The following MMS19 variants were observed in gnomAD, a reference collection of about 807,000 sequenced individuals.
The protein encoded by MMS19 is MMS19 cytosolic iron-sulfur assembly component.
In MMS19, 77 loss-of-function variants were observed where a neutral mutation model predicts 129.8. The ratio of observed to expected loss-of-function variants is 0.59; its 90% CI spans 0.49 to 0.72. The LOEUF (loss-of-function observed/expected upper bound fraction) is 0.72. Among genes scored for constraint, MMS19 ranks in the 30% least tolerant of loss-of-function variants. The probability of loss-of-function intolerance (pLI) is 0.00; values close to 1 mark genes in which losing one functional copy is unlikely to be tolerated. For synonymous variants in MMS19, 491 were observed against 502.8 expected, an observed-to-expected ratio of 0.98 and a Z score of 0.31; for missense variants, 1,168 against 1,266.3, an observed-to-expected ratio of 0.92 and a Z score of 1.18.
intron 8 of MMS19, among the ~76,000 whole-genome samples, chr10:97,475,561 C>A (rs1416810558): frequency 6.6e-6 from 1 of 151,044 alleles, no homozygotes; most frequent in Admixed American, 6.6e-5. Context: ...ATGGTGAAAC[C>A]CCATTTCTAC....
At chr10:97,493,285 A>C (rs2039241027) in intron 1 of MMS19, among the ~76,000 whole-genome samples, 1 of 152,226 alleles carries the variant, frequency 6.6e-6, no homozygotes, top group Admixed American at 6.5e-5. Context: ...TGCTGGGATT[A>C]CAGGCATGAA....
chr10:97,467,151 G>A lies in MMS19; in HGVS notation c.1298-250C>T, dbSNP rs1052730272. ...GTGCCAACAGGCCTGGCTAATTTTT[G>A]TATTTTTAGTAGAGACAGGGTTTCA... is the stretch of plus-strand genomic sequence containing the variant. On this transcript the variant is annotated intron_variant, in intron 14 of 30. Transcript: ENST00000438925. 3.3e-5 allele frequency among the ~76,000 whole-genome samples: 5 copies of A among 152,226 alleles called. No homozygotes were observed. The South Asian group carries it at 8.3e-4, about 25-fold the overall frequency.
At position 97,496,746 on chromosome 10, in the gene MMS19, T is replaced by G. The variant is rs530547733; in HGVS notation, c.112+1527A>C. 2.0e-5 allele frequency among the ~76,000 whole-genome samples: 3 copies of G among 152,284 alleles called. No homozygotes were observed. In the East Asian group the frequency reaches 5.8e-4, roughly 29 times the overall value. The stretch of plus-strand genomic sequence containing the variant: ...GTATAGGTGTATGCATTAGTCAAAA[T>G]CAGTGAACGTACACTTAAAGGTTTA... On this transcript the variant is annotated intron_variant, in intron 1 of 30. Transcript: ENST00000438925.
intron 1 of MMS19, among the ~76,000 whole-genome samples, chr10:97,486,685 TA>T (rs1413392040): frequency 1.3e-5 from 2 of 151,810 alleles, no homozygotes; most frequent in Non-Finnish European, 2.9e-5. Flanking sequence ...AAGCGTTTTT[TA>T]AAACAAGCAC....
intron 6 of MMS19, 107 bp from the exon 7 acceptor site, chr10:97,477,070 C>G: frequency 6.4e-7 from 1 of 1,551,960 alleles, no homozygotes; most frequent in Non-Finnish European, 8.7e-7. Context: ...CCTTTCTCTT[C>G]AGGGCTGACC....
In MMS19 at chr10:97,498,340, G is replaced by A. The variant is rs1262151219; in HGVS notation, c.45C>T (p.Ala15=). Reference sequence around the variant, plus strand: ...CGAAGTCGTGCACGAGGCCCCATAGGGCACCCATAGGCGCCGCCGCCTCCA... The same window carrying A: ...CGAAGTCGTGCACGAGGCCCCATAGAGCACCCATAGGCGCCGCCGCCTCCA... ...AAVEAAAPMG[A]LWGLVHDFVV... The change falls in exon 1 of 31, where the codon GCC becomes GCT. Residue 15 remains alanine (A), a synonymous_variant. Coordinates refer to ENST00000438925, the MANE Select transcript of MMS19 (RefSeq NM_022362.5). 3 of 1,572,018 alleles carry A rather than the reference G, an allele frequency of 1.9e-6. No homozygotes were observed. The highest frequency in any genetic ancestry group is 2.6e-6 in the Non-Finnish European group (3 of 1,166,280).
At position 97,469,725 on chromosome 10, in the gene MMS19, T is replaced by G; in HGVS notation, c.847-2A>C. 6.2e-7 allele frequency: 1 copy of G among 1,613,820 alleles called. No individual in the cohort carries two copies. Among genetic ancestry groups the G allele is most frequent in the African/African-American group, 1.3e-5 (1 of 75,054 alleles). On this transcript the variant is annotated splice_acceptor_variant, in intron 10 of 30. Coordinates refer to ENST00000438925, the MANE Select transcript of MMS19 (RefSeq NM_022362.5). LOFTEE classifies it high-confidence loss of function. ...TCCATACACAGCACAGCAAGCATTC[T>G]GCCAAGGAAACCGCTGCTATCAGTT...
intron 3 of MMS19, chr10:97,480,310 G>T: frequency 2.2e-6 from 1 of 461,314 alleles, no homozygotes. Context: ...TCTGTACAGG[G>T]GAGCTTCTTC....
rs768130048 is a variant in MMS19 at position 97,478,271 on chromosome 10, C to G, written c.348+33G>C. The G allele has an allele frequency of 5.8e-6, 9 of 1,538,542 alleles. No homozygotes were observed. In the South Asian group the frequency reaches 1.1e-4, roughly 18 times the overall value. ...AGAACTAGACAAGGGCTCCCTTGAA[C>G]AAAGTTATGTAATGAAATGAAGGAA... On this transcript the variant is annotated intron_variant, in intron 4 of 30. Transcript: ENST00000438925.
At position 97,471,254 on chromosome 10, in the gene MMS19, T is replaced by G. The variant is rs531944497; in HGVS notation, c.685-393A>C. On this transcript the variant is annotated intron_variant, in intron 8 of 30. Coordinates refer to ENST00000438925, the MANE Select transcript of MMS19 (RefSeq NM_022362.5). ...TTTTTCACTTAACATATTAAGAACA[T>G]TTTTATGGTATTATTCTTTCATAGC... 1.6e-4 allele frequency among the ~76,000 whole-genome samples: 24 copies of G among 152,226 alleles called. No homozygotes were observed. In the South Asian group the frequency reaches 3.7e-3, roughly 24 times the overall value.
At chr10:97,497,967 C>A (rs1173969628) in intron 1 of MMS19, among the ~76,000 whole-genome samples, 1 of 152,232 alleles carries the variant, frequency 6.6e-6, no homozygotes, top group Admixed American at 6.5e-5. Context: ...CCCACCTCCC[C>A]CTCCTGCCTG....
chr10:97,466,118 A>G lies in MMS19; in HGVS notation c.1547T>C (p.Leu516Pro). 3 of 1,593,814 alleles carry G rather than the reference A, an allele frequency of 1.9e-6. No homozygotes were observed. The highest frequency in any genetic ancestry group is 2.6e-6 in the Non-Finnish European group (3 of 1,170,014). The change falls in exon 17 of 31, where the codon CTC becomes CCC. Residue 516 changes from leucine (L) to proline (P), a missense_variant. Leu to Pro is a moderately conservative substitution (Grantham distance 98, BLOSUM62 -3). This residue lies in a region of MMS19 where 831 missense variants were observed against 910.8 expected (regional missense o/e 0.91). Coordinates refer to ENST00000438925, the MANE Select transcript of MMS19 (RefSeq NM_022362.5). ...GTGGCTGCTGAAGGCCACAGGGTAG[A>G]GAGCAGCCAGGGTTCCTGATGCTTC... The part of the protein sequence containing the change: ...ALEASGTLAA[L>P]YPVAFSSHLV...
intron 1 of MMS19, among the ~76,000 whole-genome samples, chr10:97,493,609 T>C (rs1011158830): frequency 2.0e-5 from 3 of 152,180 alleles, no homozygotes; most frequent in African/African-American, 7.2e-5. Context: ...ACCACAGTGA[T>C]ATAAACAGAG....
intron 2 of MMS19, among the ~76,000 whole-genome samples, chr10:97,482,575 G>C (rs1364139592): frequency 6.6e-6 from 1 of 152,028 alleles, no homozygotes; most frequent in Non-Finnish European, 1.5e-5. Context: ...TTTCTTTCTG[G>C]AGTAATGAAA....
rs374031872 is a variant in MMS19, at chr10:97,468,392, G to A, written c.1078C>T (p.Leu360=). ...SNILQDCRHH[L]CEPDMKLVWP... ...ACCAGTTTCATGTCCGGTTCACACA[G>A]GTGGTGCCTGCAGTCTAGAGAAGCA... The change falls in exon 13 of 31, where the codon CTG becomes TTG. Residue 360 remains leucine (L), a synonymous_variant. Transcript: ENST00000438925. 5 of 1,608,362 alleles carry A rather than the reference G, an allele frequency of 3.1e-6. No individual in the cohort carries two copies. The South Asian group carries it at 3.3e-5, about 11-fold the overall frequency.
chr10:97,485,145 T>A (rs1045791268), intron 1 of MMS19, among the ~76,000 whole-genome samples: 5 of 152,140 alleles, frequency 3.3e-5, no homozygotes, highest in Non-Finnish European at 7.4e-5. Flanking sequence ...TTATTTATTT[T>A]TGAGATGGAG....
intron 11 of MMS19, 113 bp downstream of exon 11, chr10:97,469,533 G>T: frequency 1.2e-6 from 1 of 804,570 alleles, no homozygotes; most frequent in Non-Finnish European, 2.0e-6. Flanking sequence ...GAATAACCAG[G>T]CATTATATCT....
Position 97,468,376 on chromosome 10 carries a change from A to G in MMS19, c.1094T>C (p.Met365Thr). 2 of 1,611,634 alleles carry G rather than the reference A, an allele frequency of 1.2e-6. No homozygotes were observed. Among genetic ancestry groups the G allele is most frequent in the Non-Finnish European group, 1.7e-6 (2 of 1,178,424 alleles). The change falls in exon 13 of 31, where the codon ATG becomes ACG. Residue 365 changes from methionine to threonine, a missense_variant. By Grantham distance (81) the Met-to-Thr change is moderately conservative. Coordinates refer to ENST00000438925, the MANE Select transcript of MMS19 (RefSeq NM_022362.5). ...DCRHHLCEPD[M>T]KLVWPSAKLL... ...CTTGGCACTAGGCCACACCAGTTTC[A>G]TGTCCGGTTCACACAGGTGGTGCCT...
At position 97,462,607 on chromosome 10, in the gene MMS19, G is replaced by T; in HGVS notation, c.1988C>A (p.Thr663Asn). 6.2e-7 allele frequency: 1 copy of T among 1,613,756 alleles called. No individual in the cohort carries two copies. Among genetic ancestry groups the T allele is most frequent in the Non-Finnish European group, 8.5e-7 (1 of 1,179,688 alleles). The change falls in exon 20 of 31, where the codon ACT becomes AAT. Residue 663 changes from threonine to asparagine, a missense_variant. By Grantham distance (65) the Thr-to-Asn change is moderately conservative. Around this residue, in one of 3 missense-constraint regions of MMS19, gnomAD observed 831 missense variants for 910.8 expected, o/e 0.91. Coordinates refer to ENST00000438925, the MANE Select transcript of MMS19 (RefSeq NM_022362.5). ...VLAAMVSVIGTATTHLSPELA... is the reference protein window; with the variant it reads ...VLAAMVSVIGNATTHLSPELA... The stretch of plus-strand genomic sequence containing the variant: ...CTCAGGGCTCAGGTGGGTTGTAGCA[G>T]TGCCAATGACAGACACCATGGCAGC...
Sources: allele counts gnomAD v4.1 joint callset (sites outside exome capture counted in the v4.1 genomes callset), GRCh38; gene constraint gnomAD v4.1.1; regional missense constraint gnomAD v4.1.1; transcripts MANE v1.5; gene names NCBI Gene and HGNC (gene_info 2026-07-23, HGNC 2026-07-21).